Variants in RBFOX1 observed in about 807,000 individuals in gnomAD.
RBFOX1 encodes the protein RNA binding fox-1 homolog 1.
Under a neutral mutation model 57.7 loss-of-function variants are expected in RBFOX1, and 8 were observed. That is an observed-to-expected ratio of 0.14 (90% CI 0.08 to 0.25). RBFOX1 has a LOEUF of 0.25. RBFOX1 is among the 10% of genes least tolerant of loss of function. The probability of loss-of-function intolerance (pLI) is 1.00; values close to 1 mark genes in which losing one functional copy is unlikely to be tolerated. For missense variants in RBFOX1, 611 were observed against 548.5 expected (o/e 1.11, Z -1.14); for synonymous variants, 326 against 222.4 (o/e 1.47, Z -4.15).
At chr16:7,016,146 C>T (rs550074127) in intron 3 of RBFOX1, among the ~76,000 whole-genome samples, 1 of 152,214 alleles carries the variant, frequency 6.6e-6, no homozygotes, top group East Asian at 1.9e-4. Flanking sequence ...GAGTGAGACA[C>T]CACCAGACAT....
intron 10 of RBFOX1, among the ~76,000 whole-genome samples, chr16:7,611,151 C>G (rs2057390842): frequency 6.6e-6 from 1 of 152,186 alleles, no homozygotes; most frequent in East Asian, 1.9e-4. Context: ...ACAACCCAGC[C>G]TCCCGTTGTC....
rs1382313180 is a variant in RBFOX1 at position 6,654,629 on chromosome 16, C to T, written c.-37C>T. The T allele has an allele frequency of 1.3e-5, 19 of 1,508,492 alleles. No homozygotes were observed. Among genetic ancestry groups the T allele is most frequent in the Middle Eastern group, 1.7e-4 (1 of 5,950 alleles). 93.4% of individuals were successfully genotyped at this position (1,508,492 alleles called of 1,614,324 possible). Reference sequence around the variant, plus strand: ...ATATCAAAGCAGACTGCAATACCTGCGTGGAAATAGAAGACAGAAAGGTGA... The same window carrying T: ...ATATCAAAGCAGACTGCAATACCTGTGTGGAAATAGAAGACAGAAAGGTGA... On this transcript the variant is annotated 5_prime_UTR_variant, in exon 3 of 16. Coordinates refer to ENST00000550418, the MANE Select transcript of RBFOX1 (RefSeq NM_018723.4).
At chr16:5,370,171 C>T (rs970113304) in intron 1 of RBFOX1, among the ~76,000 whole-genome samples, 3 of 152,136 alleles carry the variant, frequency 2.0e-5, no homozygotes, top group African/African-American at 4.8e-5. Flanking sequence ...CACTCCTGCC[C>T]ACTCTGGAAA....
intron 1 of RBFOX1, among the ~76,000 whole-genome samples, chr16:6,308,254 G>A (rs111977772): frequency 2.0e-5 from 3 of 152,190 alleles, no homozygotes; most frequent in South Asian, 2.1e-4. Flanking sequence ...ATCATCATCT[G>A]TTATTTCCAT....
At chr16:5,284,559 G>C (rs1195361351) in intron 1 of RBFOX1, among the ~76,000 whole-genome samples, 11 of 141,612 alleles carry the variant, frequency 7.8e-5, no homozygotes, top group African/African-American at 2.4e-4. Flanking sequence ...TTTTTTTTTA[G>C]GCAATGGAGT....
intron 3 of RBFOX1, among the ~76,000 whole-genome samples, chr16:6,672,013 T>C (rs1416067041): frequency 2.0e-5 from 3 of 152,242 alleles, no homozygotes. Context: ...TGTTAACTTA[T>C]GCACTGTACC....
At chr16:5,539,021 T>C (rs997031148) in intron 2 of RBFOX1, among the ~76,000 whole-genome samples, 1 of 152,090 alleles carries the variant, frequency 6.6e-6, no homozygotes, top group Admixed American at 6.5e-5. Flanking sequence ...GGAGGGTCCT[T>C]GAAAAAGAGG....
intron 3 of RBFOX1, among the ~76,000 whole-genome samples, chr16:6,848,958 A>G (rs566450414): frequency 1.3e-5 from 2 of 152,270 alleles, no homozygotes; most frequent in East Asian, 1.9e-4. Context: ...ACCTTGCTTC[A>G]TGCACGCTTA....
intron 2 of RBFOX1, among the ~76,000 whole-genome samples, chr16:6,466,229 C>CAAA (rs201275514): frequency 7.8e-6 from 1 of 127,872 alleles, no homozygotes. Context: ...AACTCTATCT[C>CAAA]AAAAAAAAAA....
intron 2 of RBFOX1, among the ~76,000 whole-genome samples, chr16:6,545,537 T>C (rs1173509080): frequency 1.3e-5 from 2 of 152,200 alleles, no homozygotes; most frequent in Non-Finnish European, 2.9e-5. Context: ...AGGTCCACTC[T>C]TATGTCACAT....
Position 7,444,516 on chromosome 16 carries a change from C to G in RBFOX1, c.28-73631C>G, listed in dbSNP as rs1303438949. 2.0e-5 allele frequency among the ~76,000 whole-genome samples: 3 copies of G among 152,096 alleles called. No individual in the cohort carries two copies. The East Asian group carries it at 5.8e-4, about 29-fold the overall frequency. On this transcript the variant is annotated intron_variant, in intron 4 of 15. Transcript: ENST00000550418. ...AGATGTTCTGCAAAAATTCCTCTGA[C>G]TGGGTTCTGATTGGCTTGGGTAGCC...
intron 5 of RBFOX1, among the ~76,000 whole-genome samples, chr16:7,536,850 C>G (rs192059516): frequency 1.3e-5 from 2 of 152,180 alleles, no homozygotes; most frequent in Non-Finnish European, 2.9e-5. Flanking sequence ...GCTTTTCTGT[C>G]TGCTTTTCTG....
At chr16:5,430,841 C>G (rs552575285) in intron 1 of RBFOX1, among the ~76,000 whole-genome samples, 2 of 152,216 alleles carry the variant, frequency 1.3e-5, no homozygotes, top group African/African-American at 2.4e-5. Context: ...ATACAACAGC[C>G]AACCTTTACA....
chr16:7,058,002 T>TG (rs372788243), intron 4 of RBFOX1, among the ~76,000 whole-genome samples: 1,515 of 32,374 alleles, frequency 0.047, 36 homozygotes, highest in African/African-American at 0.095. Context: ...AGGGAGACTG[T>TG]GGGGAAAAAA....
intron 2 of RBFOX1, among the ~76,000 whole-genome samples, chr16:6,392,916 C>T (rs756336905): frequency 6.6e-6 from 1 of 152,156 alleles, no homozygotes; most frequent in Non-Finnish European, 1.5e-5. Flanking sequence ...ACCATATGAC[C>T]CACCCTCTTC....
chr16:5,799,659 G>A (rs1197544902), intron 3 of RBFOX1, among the ~76,000 whole-genome samples: 1 of 152,148 alleles, frequency 6.6e-6, no homozygotes, highest in African/African-American at 2.4e-5. Flanking sequence ...TGTTCTGAGT[G>A]TGTTCAAGGT....
intron 4 of RBFOX1, among the ~76,000 whole-genome samples, chr16:7,425,896 C>T (rs986505170): frequency 6.6e-6 from 1 of 152,106 alleles, no homozygotes; most frequent in East Asian, 1.9e-4. Context: ...CGAAATGTAT[C>T]ATTTTTTCCC....
intron 4 of RBFOX1, among the ~76,000 whole-genome samples, chr16:7,134,233 T>A (rs1050256492): frequency 6.6e-6 from 1 of 152,190 alleles, no homozygotes. Flanking sequence ...TGGATGGTGA[T>A]CAATAGAGCT....
intron 3 of RBFOX1, among the ~76,000 whole-genome samples, chr16:6,673,037 G>C (rs1426781651): frequency 6.6e-6 from 1 of 152,156 alleles, no homozygotes; most frequent in Non-Finnish European, 1.5e-5. Flanking sequence ...GGGAAAGACA[G>C]CTCCCTGAAG....
Sources: gnomAD v4.1 joint callset for allele counts (sites outside exome capture counted in the v4.1 genomes callset) on GRCh38, gnomAD v4.1.1 for gene constraint, MANE v1.5 for transcripts, NCBI Gene and HGNC (gene_info 2026-07-23, HGNC 2026-07-21) for gene names.